AACS: variants seen among roughly 807,000 people sequenced by gnomAD.
The protein encoded by AACS is acetoacetyl-CoA synthetase.
AACS carries 69 observed loss-of-function variants against 83.1 expected under a neutral mutation model. The ratio of observed to expected loss-of-function variants is 0.83; its 90% CI spans 0.68 to 1.01. AACS has a LOEUF of 1.01. AACS is among the 50% of genes least tolerant of loss of function. AACS has a pLI of 0.00. For missense variants in AACS, 866 were observed against 882.2 expected (o/e 0.98, Z 0.23); for synonymous variants, 333 against 343.4 (o/e 0.97, Z 0.33).
In AACS at chr12:125,103,163, T is replaced by C. The variant is rs1396155947; in HGVS notation, c.767+82T>C. 4.4e-5 allele frequency: 52 copies of C among 1,174,754 alleles called. No individual in the cohort carries two copies. In the East Asian group the frequency reaches 1.2e-3, roughly 27 times the overall value. 72.8% of individuals were successfully genotyped at this position (1,174,754 alleles called of 1,614,324 possible). A position where few individuals can be genotyped will look rare whatever the true frequency, so the allele number is the denominator to read the frequency against. ...GGAAGTAGGCCTCTGGATCTTCTAC[T>C]TGGGGTCACTCAGAGAATTTTAGAA... On this transcript the variant is annotated intron_variant, in intron 7 of 17. Transcript: ENST00000316519.
intron 7 of AACS, among the ~76,000 whole-genome samples, chr12:125,106,821 G>A (rs767688057): frequency 8.5e-5 from 13 of 152,190 alleles, no homozygotes; most frequent in East Asian, 5.8e-4. Context: ...ATCCTTCTCC[G>A]TGGTGGTTAT....
chr12:125,084,578 ATT>A (rs35996407), intron 3 of AACS, among the ~76,000 whole-genome samples: 274 of 140,162 alleles, frequency 2.0e-3, no homozygotes, highest in African/African-American at 5.9e-3. Context: ...TAGTTTTTAA[ATT>A]TTTTTTTTTT....
intron 9 of AACS, among the ~76,000 whole-genome samples, chr12:125,115,634 G>A (rs1338587211): frequency 2.6e-5 from 4 of 152,126 alleles, no homozygotes; most frequent in Non-Finnish European, 5.9e-5. Flanking sequence ...GGGCCCTTCT[G>A]TGCCCCTTAT....
intron 3 of AACS, among the ~76,000 whole-genome samples, chr12:125,080,657 C>T (rs1340478940): frequency 1.3e-5 from 2 of 151,402 alleles, no homozygotes; most frequent in Admixed American, 6.6e-5. Flanking sequence ...TATTTGAGCC[C>T]CCCCTTTTTA....
intron 4 of AACS, among the ~76,000 whole-genome samples, chr12:125,090,216 T>C (rs369853442): frequency 0.019 from 749 of 39,488 alleles, 307 homozygotes; most frequent in South Asian, 0.036. Flanking sequence ...ATTATCCATC[T>C]ATCCATCCAT....
intron 7 of AACS, among the ~76,000 whole-genome samples, chr12:125,104,049 AATGGATT>A (rs1460275911): frequency 6.8e-6 from 1 of 146,890 alleles, no homozygotes; most frequent in East Asian, 2.0e-4. Context: ...AGATTAAGGA[AATGGATT>A]ATGGATTATG....
Position 125,069,430 on chromosome 12 carries a change from C to T in AACS, c.133+3713C>T, listed in dbSNP as rs1408377756. On this transcript the variant is annotated intron_variant, in intron 1 of 17. Coordinates refer to ENST00000316519, the MANE Select transcript of AACS (RefSeq NM_023928.5). ...ATTTTGGGAGGCTCTGGTAGGGTTA[C>T]CCACCCTCTTTTCCACTGCCATAAC... Among the ~76,000 whole-genome samples, 4 of 152,330 alleles carry T rather than the reference C, an allele frequency of 2.6e-5. No individual in the cohort carries two copies. The East Asian group carries it at 5.8e-4, about 22-fold the overall frequency.
intron 15 of AACS, 59 bp from the exon 16 acceptor site, chr12:125,134,735 C>T (rs1957376732): frequency 6.2e-7 from 1 of 1,602,696 alleles, no homozygotes; most frequent in East Asian, 2.2e-5. Flanking sequence ...CCGTGGGACC[C>T]CTGGGACTTG....
chr12:125,091,327 C>G, intron 4 of AACS, 99 bp from the exon 5 acceptor site: 2 of 1,228,322 alleles, frequency 1.6e-6, no homozygotes, highest in East Asian at 2.5e-5. Context: ...AGGCCAGCCC[C>G]CTTCCCACTC....
At position 125,142,130 on chromosome 12, in the gene AACS, A is replaced by ACAGATCAT. The variant is rs1338922851; in HGVS notation, c.1922_1929dup (p.Ala644ArgfsTer73). 1 of 1,614,018 alleles carries ACAGATCAT rather than the reference A, an allele frequency of 6.2e-7. No homozygotes were observed. The highest frequency in any genetic ancestry group is 1.3e-5 in the African/African-American group (1 of 74,898). Reference sequence around the variant, plus strand: ...GCAAGAAAGTGGAAGTTGCCGTCAAACAGATCATCGCTGGAAAAGCCGTGG... The same window carrying ACAGATCAT: ...GCAAGAAAGTGGAAGTTGCCGTCAAACAGATCATCAGATCATCGCTGGAAAAGCCGTGG... On this transcript the variant is annotated frameshift_variant, in exon 18 of 18. Coordinates refer to ENST00000316519, the MANE Select transcript of AACS (RefSeq NM_023928.5). LOFTEE classifies it high-confidence loss of function.
intron 9 of AACS, 39 bp from the exon 10 acceptor site, chr12:125,118,602 C>G (rs1363682118): frequency 3.7e-6 from 6 of 1,611,434 alleles, no homozygotes; most frequent in African/African-American, 1.3e-5. Context: ...GGGGAGCTGC[C>G]TAGCGCCCGC....
chr12:125,086,297 T>A, intron 3 of AACS, 33 bp from the exon 4 acceptor site: 1 of 1,592,898 alleles, frequency 6.3e-7, no homozygotes, highest in Non-Finnish European at 8.6e-7. Flanking sequence ...TTTGCGGTGG[T>A]CTGTGTACAA....
At chr12:125,099,881 G>C (rs1565937618) in intron 5 of AACS, among the ~76,000 whole-genome samples, 1 of 152,134 alleles carries the variant, frequency 6.6e-6, no homozygotes, top group Non-Finnish European at 1.5e-5. Flanking sequence ...TCTCAATTTT[G>C]GTTAGGCTGG....
intron 9 of AACS, chr12:125,118,276 G>A: frequency 4.4e-6 from 1 of 229,242 alleles, no homozygotes; most frequent in South Asian, 5.6e-5. Context: ...ATACTGCTGG[G>A]GGTCAGGTGC....
chr12:125,074,546 C>CA (rs936020018), intron 2 of AACS, among the ~76,000 whole-genome samples: 12 of 143,794 alleles, frequency 8.3e-5, no homozygotes, highest in Middle Eastern at 3.7e-3. Context: ...GACCCTGTCT[C>CA]AAAAAAAAAG....
intron 8 of AACS, among the ~76,000 whole-genome samples, chr12:125,112,578 G>C (rs1351289397): frequency 2.7e-5 from 4 of 150,738 alleles, no homozygotes; most frequent in African/African-American, 9.8e-5. Context: ...TACTTGGGAG[G>C]CTGAGGCAGG....
At chr12:125,139,042 CT>C (rs1957440432) in intron 17 of AACS, 1 of 152,266 alleles carries the variant, frequency 6.6e-6, no homozygotes. Context: ...CTACCCACCC[CT>C]CACCACCCCG....
In AACS at chr12:125,074,825, G is replaced by A. The variant is rs185984131; in HGVS notation, c.237+846G>A. ...ATTACAGTCATGCACCACCACGCCT[G>A]GCTAATTTTTGTATTTTTAGTAGAG... On this transcript the variant is annotated intron_variant, in intron 2 of 17. Coordinates refer to ENST00000316519, the MANE Select transcript of AACS (RefSeq NM_023928.5). 4.1e-3 allele frequency among the ~76,000 whole-genome samples: 611 copies of A among 150,722 alleles called. 4 individuals carry two copies. The highest frequency in any genetic ancestry group is 7.6e-3 in the Admixed American group (116 of 15,178).
intron 8 of AACS, among the ~76,000 whole-genome samples, chr12:125,112,678 C>CAAAAA (rs56314902): frequency 9.2e-6 from 1 of 108,442 alleles, no homozygotes; most frequent in African/African-American, 3.9e-5. Context: ...GACTCTGTCT[C>CAAAAA]AAAAAAAAAA....
Sources: allele counts gnomAD v4.1 joint callset (sites outside exome capture counted in the v4.1 genomes callset), GRCh38; gene constraint gnomAD v4.1.1; transcripts MANE v1.5; gene names NCBI Gene and HGNC (gene_info 2026-07-23, HGNC 2026-07-21).